PTPRN2: variants seen among roughly 807,000 people sequenced by gnomAD.
PTPRN2 encodes receptor-type tyrosine-protein phosphatase N2.
In PTPRN2, 74 loss-of-function variants were observed where a neutral mutation model predicts 118.8. That is an observed-to-expected ratio of 0.62 (90% confidence interval 0.52 to 0.76). The LOEUF is 0.76. PTPRN2 is among the 30% of genes least tolerant of loss of function. The pLI, the probability that PTPRN2 is intolerant of heterozygous loss-of-function variation, is 0.00. For synonymous variants in PTPRN2, 641 were observed against 608.0 expected (o/e 1.05, Z -0.80); for missense variants, 1,481 against 1,394.4 (o/e 1.06, Z -0.99).
intron 21 of PTPRN2, among the ~76,000 whole-genome samples, chr7:157,552,698 A>G (rs1798691606): frequency 6.6e-6 from 1 of 152,256 alleles, no homozygotes; most frequent in Non-Finnish European, 1.5e-5. Flanking sequence ...AAAACCAAAA[A>G]AGGTGAGTTA....
At chr7:157,930,899 GTTTT>G (rs141068776) in intron 11 of PTPRN2, among the ~76,000 whole-genome samples, 8 of 151,230 alleles carry the variant, frequency 5.3e-5, no homozygotes, top group African/African-American at 1.9e-4. Context: ...ATTTTTTTTC[GTTTT>G]TTTTTGTTTT....
intron 2 of PTPRN2, among the ~76,000 whole-genome samples, chr7:158,333,917 A>AT (rs1168981519): frequency 0.017 from 1,888 of 113,298 alleles, 2 homozygotes; most frequent in African/African-American, 0.02. Context: ...CGTCACTCAC[A>AT]CCCACACTCT....
chr7:157,596,019 G>A lies in PTPRN2; in HGVS notation c.2419-704C>T, dbSNP rs1023736775. Among the ~76,000 whole-genome samples, 5 of 152,132 alleles carry A rather than the reference G, an allele frequency of 3.3e-5. No homozygotes were observed. Among genetic ancestry groups the A allele is most frequent in the East Asian group, 1.9e-4 (1 of 5,194 alleles). On this transcript the variant is annotated intron_variant, in intron 16 of 22. Coordinates refer to ENST00000389418, the MANE Select transcript of PTPRN2 (RefSeq NM_002847.5). The surrounding 1 kb of genome is among the most constrained non-coding windows in gnomAD (Gnocchi z 4.2). The stretch of plus-strand genomic sequence containing the variant: ...AGTGACCCCAGAGCTTCCTGGCCAC[G>A]GAGCCCACCCAGGCTGCCCTGTGTT...
chr7:158,392,938 G>A (rs925486380), intron 2 of PTPRN2, among the ~76,000 whole-genome samples: 3 of 152,186 alleles, frequency 2.0e-5, no homozygotes, highest in East Asian at 1.9e-4. Context: ...CCTCGAGCAC[G>A]CCTGTCAACC....
At chr7:158,083,876 G>A (rs1813038300) in intron 10 of PTPRN2, among the ~76,000 whole-genome samples, 1 of 150,508 alleles carries the variant, frequency 6.6e-6, no homozygotes, top group Admixed American at 6.6e-5. Context: ...TGTCTCCGGA[G>A]GAGACTCAGA....
At chr7:158,205,034 T>G in intron 4 of PTPRN2, 137 bp downstream of exon 4, 1 of 737,154 alleles carries the variant, frequency 1.4e-6, no homozygotes, top group Non-Finnish European at 2.2e-6. Flanking sequence ...ACAGACATCC[T>G]AACTTTCTGA....
intron 3 of PTPRN2, among the ~76,000 whole-genome samples, chr7:158,245,777 C>T (rs1400476668): frequency 4.6e-5 from 7 of 152,142 alleles, no homozygotes; most frequent in Admixed American, 1.3e-4. Context: ...GTGGAAGCAG[C>T]CGGCTCAGGG....
chr7:158,522,640 G>A (rs1456404270), intron 1 of PTPRN2, among the ~76,000 whole-genome samples: 1 of 152,234 alleles, frequency 6.6e-6, no homozygotes, highest in Non-Finnish European at 1.5e-5. Flanking sequence ...GCTGCGGCTA[G>A]ATGCAGTCTG....
In PTPRN2 at chr7:158,247,456, T is replaced by A. The variant is rs565320554; in HGVS notation, c.278-42183A>T. ...GTGCCCGTCCCAGGTGTGCTCTTCT[T>A]CACGGCGCCCCTGCTTCCCCACCAC... On this transcript the variant is annotated intron_variant, in intron 3 of 22. Transcript: ENST00000389418. Among the ~76,000 whole-genome samples the A allele has an allele frequency of 4.6e-5, 7 of 151,142 alleles. No individual in the cohort carries two copies. In the South Asian group the frequency reaches 1.5e-3, roughly 31 times the overall value.
chr7:157,560,294 C>T lies in PTPRN2; in HGVS notation c.2902+8608G>A, dbSNP rs930913359. 6.6e-6 allele frequency among the ~76,000 whole-genome samples: 1 copy of T among 152,128 alleles called. No individual in the cohort carries two copies. Among genetic ancestry groups the T allele is most frequent in the African/African-American group, 2.4e-5 (1 of 41,428 alleles). ...TACACTCAGTGAGGACGGCTCCATG[C>T]ACAGGGACGAAGACCCCCGAGGAGA... On this transcript the variant is annotated intron_variant, in intron 21 of 22. Transcript: ENST00000389418. This position sits in a 1 kb window ranked among gnomAD's most constrained non-coding sequence, Gnocchi z 6.7.
chr7:157,574,825 A>G (rs1256638925), intron 19 of PTPRN2, among the ~76,000 whole-genome samples: 1 of 152,220 alleles, frequency 6.6e-6, no homozygotes, highest in African/African-American at 2.4e-5. Flanking sequence ...TCTAAGTGTG[A>G]AGCTTTCTGA....
At chr7:158,310,703 G>A (rs904915149) in intron 3 of PTPRN2, among the ~76,000 whole-genome samples, 1 of 150,954 alleles carries the variant, frequency 6.6e-6, no homozygotes, top group African/African-American at 2.5e-5. Context: ...CACGGAGGGC[G>A]AGCCCTGAGC....
chr7:157,656,844 C>CCA (rs746304890), intron 13 of PTPRN2, among the ~76,000 whole-genome samples: 5,637 of 123,276 alleles, frequency 0.046, 303 homozygotes, highest in East Asian at 0.14. Flanking sequence ...CACACACACA[C>CCA]CACACACACA....
intron 11 of PTPRN2, among the ~76,000 whole-genome samples, chr7:158,033,722 C>T (rs980461956): frequency 2.0e-5 from 3 of 150,498 alleles, no homozygotes; most frequent in African/African-American, 7.4e-5. Context: ...TGGCTGGCTG[C>T]ACACTGAGAC....
chr7:158,423,099 C>T (rs190377537), intron 2 of PTPRN2, among the ~76,000 whole-genome samples: 54 of 152,358 alleles, frequency 3.5e-4, no homozygotes, highest in Non-Finnish European at 6.0e-4. Context: ...GGTGACACCA[C>T]AAAATGCAAA....
intron 1 of PTPRN2, among the ~76,000 whole-genome samples, chr7:158,534,849 T>C (rs1392702942): frequency 4.3e-5 from 6 of 140,536 alleles, no homozygotes; most frequent in Admixed American, 3.5e-4. Context: ...GCCTGCACGT[T>C]GGGCAGCCTG....
At chr7:158,012,844 G>T (rs1806145212) in intron 11 of PTPRN2, among the ~76,000 whole-genome samples, 1 of 152,182 alleles carries the variant, frequency 6.6e-6, no homozygotes. Flanking sequence ...CTAGATGAAA[G>T]GGAGCTGGCA....
At chr7:157,748,155 C>G (rs1184685390) in intron 12 of PTPRN2, among the ~76,000 whole-genome samples, 2 of 150,348 alleles carry the variant, frequency 1.3e-5, no homozygotes. Flanking sequence ...CCCTGCGTCT[C>G]TGAGCTGTAG....
chr7:158,459,451 C>T (rs1426407461), intron 2 of PTPRN2, among the ~76,000 whole-genome samples: 1 of 152,110 alleles, frequency 6.6e-6, no homozygotes, highest in African/African-American at 2.4e-5. Context: ...CTGGGACGAA[C>T]GGGCTCCAGG....
Sources: gnomAD v4.1 joint callset for allele counts (sites outside exome capture counted in the v4.1 genomes callset) on GRCh38, gnomAD v4.1.1 for gene constraint, Gnocchi (gnomAD v3.1) non-coding constraint, MANE v1.5 for transcripts, NCBI Gene and HGNC (gene_info 2026-07-23, HGNC 2026-07-21) for gene names.